DNAJC1: variants seen among roughly 807,000 people sequenced by gnomAD.
DNAJC1 encodes the protein DnaJ heat shock protein family (Hsp40) member C1.
DNAJC1 carries 58 observed loss-of-function variants against 76.6 expected under a neutral mutation model. The observed-to-expected ratio is 0.76, with a 90% CI of 0.61 to 0.94. The LOEUF (loss-of-function observed/expected upper bound fraction) is 0.94, where lower values mean the gene tolerates loss of function less well. Among genes scored for constraint, DNAJC1 ranks in the 40% least tolerant of loss-of-function variants. The pLI, the probability that DNAJC1 is intolerant of heterozygous loss-of-function variation, is 0.00. For synonymous variants in DNAJC1, 258 were observed against 267.9 expected, an observed-to-expected ratio of 0.96 and a Z score of 0.36; for missense variants, 689 against 677.3, an observed-to-expected ratio of 1.02 and a Z score of -0.19.
At chr10:21,973,496 G>A (rs969476395) in intron 1 of DNAJC1, among the ~76,000 whole-genome samples, 1 of 152,050 alleles carries the variant, frequency 6.6e-6, no homozygotes, top group Admixed American at 6.6e-5. Context: ...CTAGCACTTG[G>A]CTAGAACCCA....
At chr10:21,788,605 G>A (rs1429881946) in intron 9 of DNAJC1, among the ~76,000 whole-genome samples, 1 of 152,156 alleles carries the variant, frequency 6.6e-6, no homozygotes, top group Admixed American at 6.5e-5. Context: ...CGACAGCCAT[G>A]TTCGGCCATT....
At chr10:21,938,542 G>A (rs117932120) in intron 1 of DNAJC1, among the ~76,000 whole-genome samples, 323 of 152,240 alleles carry the variant, frequency 2.1e-3, no homozygotes, top group Non-Finnish European at 3.9e-3. Context: ...GGCTTTGTGG[G>A]TCAGTCTTCA....
intron 1 of DNAJC1, among the ~76,000 whole-genome samples, chr10:21,984,622 G>GTTTTA: frequency 6.6e-6 from 1 of 152,264 alleles, no homozygotes; most frequent in South Asian, 2.1e-4. Flanking sequence ...CTACTAAAAG[G>GTTTTA]AGAATGGATA....
intron 1 of DNAJC1, among the ~76,000 whole-genome samples, chr10:21,979,706 A>T (rs1590077362): frequency 6.6e-6 from 1 of 151,326 alleles, no homozygotes; most frequent in East Asian, 1.9e-4. Flanking sequence ...CTTATTTATA[A>T]TTTTTCTTTT....
Position 21,920,981 on chromosome 10 carries a change from C to T in DNAJC1, c.372-18G>A. On this transcript the variant is annotated intron_variant, in intron 3 of 11. Coordinates refer to ENST00000376980, the MANE Select transcript of DNAJC1 (RefSeq NM_022365.4). ...CATCATACCTACAGTACAAATATAACAGTTTTTCACGGGGAGTTTAAAATA... is the reference window on the plus strand; with the variant it reads ...CATCATACCTACAGTACAAATATAATAGTTTTTCACGGGGAGTTTAAAATA... 1 of 1,513,654 alleles carries T rather than the reference C, an allele frequency of 6.6e-7. No homozygotes were observed. The highest frequency in any genetic ancestry group is 8.9e-7 in the Non-Finnish European group (1 of 1,126,660). 93.8% of individuals were successfully genotyped at this position (1,513,654 alleles called of 1,614,324 possible).
chr10:21,910,622 G>A (rs923517448), intron 6 of DNAJC1, among the ~76,000 whole-genome samples: 1 of 151,900 alleles, frequency 6.6e-6, no homozygotes, highest in East Asian at 1.9e-4. Flanking sequence ...GAGAATACGT[G>A]GACACAAGAA....
chr10:21,869,404 A>T (rs769638558), intron 8 of DNAJC1, among the ~76,000 whole-genome samples: 1 of 152,028 alleles, frequency 6.6e-6, no homozygotes, highest in African/African-American at 2.4e-5. Context: ...CCAATCAGGA[A>T]ATCTTTGACT....
chr10:21,918,033 C>A (rs1439497837), intron 6 of DNAJC1, among the ~76,000 whole-genome samples: 1 of 151,874 alleles, frequency 6.6e-6, no homozygotes, highest in East Asian at 1.9e-4. Flanking sequence ...TAAAACATTT[C>A]TCTCCAAAAA....
intron 1 of DNAJC1, among the ~76,000 whole-genome samples, chr10:21,931,939 C>A (rs981509018): frequency 2.0e-5 from 3 of 152,094 alleles, no homozygotes; most frequent in African/African-American, 7.2e-5. Flanking sequence ...TGATATGGCT[C>A]TTTGGCAAGC....
chr10:21,827,618 A>G (rs1476668698), intron 8 of DNAJC1, among the ~76,000 whole-genome samples: 1 of 152,138 alleles, frequency 6.6e-6, no homozygotes, highest in Non-Finnish European at 1.5e-5. Flanking sequence ...CTGCTGCGTC[A>G]TCATATGGCC....
At chr10:21,882,253 T>G (rs774506191) in intron 8 of DNAJC1, 29 bp downstream of exon 8, 1 of 1,579,268 alleles carries the variant, frequency 6.3e-7, no homozygotes, top group Non-Finnish European at 8.6e-7. Context: ...CATGTTTTAC[T>G]CAAAACAAGT....
At chr10:21,784,588 G>C (rs567847995) in intron 9 of DNAJC1, among the ~76,000 whole-genome samples, 7 of 152,122 alleles carry the variant, frequency 4.6e-5, no homozygotes, top group Non-Finnish European at 1.0e-4. Context: ...CTGCTATAAA[G>C]ACACATGCAC....
At chr10:21,790,470 G>T (rs1834670780) in intron 9 of DNAJC1, among the ~76,000 whole-genome samples, 1 of 149,600 alleles carries the variant, frequency 6.7e-6, no homozygotes. Flanking sequence ...GAGAAACCTT[G>T]CAAGCTACAA....
chr10:21,978,267 G>A (rs940108573), intron 1 of DNAJC1, among the ~76,000 whole-genome samples: 1 of 152,136 alleles, frequency 6.6e-6, no homozygotes, highest in African/African-American at 2.4e-5. Flanking sequence ...TGAACAGAGG[G>A]AGAGAGAAAC....
intron 1 of DNAJC1, among the ~76,000 whole-genome samples, chr10:21,934,695 G>A (rs1402672792): frequency 6.6e-6 from 1 of 152,118 alleles, no homozygotes; most frequent in East Asian, 1.9e-4. Context: ...GGAGCAATAG[G>A]TTATACCATA....
intron 8 of DNAJC1, among the ~76,000 whole-genome samples, chr10:21,863,315 G>A (rs929921989): frequency 6.6e-6 from 1 of 151,930 alleles, no homozygotes; most frequent in African/African-American, 2.4e-5. Context: ...AATAAGAGAG[G>A]AGACATCAAT....
chr10:21,855,127 T>A (rs763772967), intron 8 of DNAJC1, among the ~76,000 whole-genome samples: 4 of 152,168 alleles, frequency 2.6e-5, no homozygotes, highest in Non-Finnish European at 4.4e-5. Flanking sequence ...TTAAAAAATA[T>A]AGGCATTTAA....
chr10:21,759,196 C>G lies in DNAJC1; in HGVS notation c.1570G>C (p.Ala524Pro). Reference sequence around the variant, plus strand: ...TTGCTCTTGGACGGGACACATCTGGCTATTTTGTCCCAGCGGTCAGAGGAT... The same window carrying G: ...TTGCTCTTGGACGGGACACATCTGGGTATTTTGTCCCAGCGGTCAGAGGAT... ...RGSSDRWDKIARCVPSKSKED... is the reference protein window; with the variant it reads ...RGSSDRWDKIPRCVPSKSKED... Residue 524 changes from alanine to proline, a missense_variant, in exon 11 of 12, where the codon GCC becomes CCC. Coordinates refer to ENST00000376980, the MANE Select transcript of DNAJC1 (RefSeq NM_022365.4). The G allele has an allele frequency of 6.2e-7, 1 of 1,614,036 alleles. No homozygotes were observed. The highest frequency in any genetic ancestry group is 1.1e-5 in the South Asian group (1 of 91,054).
intron 8 of DNAJC1, among the ~76,000 whole-genome samples, chr10:21,859,189 G>A (rs1407745425): frequency 2.6e-5 from 4 of 152,136 alleles, no homozygotes; most frequent in Non-Finnish European, 5.9e-5. Context: ...AAGAACTTAA[G>A]AAGGTTAAGA....
Sources: allele counts gnomAD v4.1 joint callset (sites outside exome capture counted in the v4.1 genomes callset), GRCh38; gene constraint gnomAD v4.1.1; transcripts MANE v1.5; gene names NCBI Gene and HGNC (gene_info 2026-07-23, HGNC 2026-07-21).